The following ZFAT variants were observed in gnomAD, a reference collection of about 807,000 sequenced individuals.
The protein encoded by ZFAT is zinc finger protein ZFAT.
In ZFAT, 64 loss-of-function variants were observed where a neutral mutation model predicts 117.7. That is an observed-to-expected ratio of 0.54 (90% confidence interval 0.44 to 0.67). ZFAT has a LOEUF of 0.67. Ranked by LOEUF, ZFAT falls within the 30% of genes least tolerant of loss-of-function variation. The pLI, the probability that ZFAT is intolerant of heterozygous loss-of-function variation, is 0.00. For synonymous variants in ZFAT, 679 were observed against 615.0 expected (o/e 1.10, Z -1.54); for missense variants, 1,433 against 1,584.5 (o/e 0.90, Z 1.62).
chr8:134,744,761 GCT>G, the ZFAT span, among the ~76,000 whole-genome samples: 1 of 97,518 alleles, frequency 1.0e-5, no homozygotes, highest in African/African-American at 4.2e-5. Flanking sequence ...ACGGAGGCTT[GCT>G]CTGTCACCTA....
intron 2 of ZFAT, among the ~76,000 whole-genome samples, chr8:134,651,618 T>G (rs1327489302): frequency 6.6e-6 from 1 of 152,058 alleles, no homozygotes; most frequent in African/African-American, 2.4e-5. Flanking sequence ...ATACGCAGAA[T>G]GCAGCACAAG....
rs781211977 is a variant in ZFAT at position 134,601,930 on chromosome 8, A to T, written c.1789T>A (p.Phe597Ile). 1 of 1,614,086 alleles carries T rather than the reference A, an allele frequency of 6.2e-7. No individual in the cohort carries two copies. The highest frequency in any genetic ancestry group is 8.5e-7 in the Non-Finnish European group (1 of 1,179,992). ...LHSQEVVSDD[F>I]LLKNDTSSAE... Reference sequence around the variant, plus strand: ...GAGGAGGTATCATTTTTCAACAAAAAATCATCTGAAACCACCTCTTGAGAA... The same window carrying T: ...GAGGAGGTATCATTTTTCAACAAAATATCATCTGAAACCACCTCTTGAGAA... Residue 597 changes from phenylalanine (F) to isoleucine (I), a missense_variant, in exon 6 of 16, where the codon TTT (phenylalanine) becomes ATT (isoleucine). By Grantham distance (21) the Phe-to-Ile change is conservative. Coordinates refer to ENST00000377838, the MANE Select transcript of ZFAT (RefSeq NM_020863.4).
At chr8:134,503,947 A>AAC (rs148680395) in intron 15 of ZFAT, among the ~76,000 whole-genome samples, 2 of 96,616 alleles carry the variant, frequency 2.1e-5, no homozygotes, top group Non-Finnish European at 5.3e-5. Context: ...CACGCACACG[A>AAC]ACACACACAC....
intron 10 of ZFAT, among the ~76,000 whole-genome samples, chr8:134,575,241 G>A (rs1563867328): frequency 6.6e-6 from 1 of 152,194 alleles, no homozygotes; most frequent in East Asian, 1.9e-4. Context: ...AAATAAAAAG[G>A]AGTTTGCAGA....
At chr8:134,600,078 C>T (rs1586787628) in intron 7 of ZFAT, 2 of 353,494 alleles carry the variant, frequency 5.7e-6, no homozygotes, top group East Asian at 7.5e-5. Context: ...CTCTCAACCA[C>T]GTTCAGTAGG....
At chr8:134,559,951 A>G (rs1823930528) in intron 11 of ZFAT, among the ~76,000 whole-genome samples, 1 of 152,254 alleles carries the variant, frequency 6.6e-6, no homozygotes, top group African/African-American at 2.4e-5. Flanking sequence ...GAAAATAAAA[A>G]TAATTCCAGC....
intron 3 of ZFAT, among the ~76,000 whole-genome samples, chr8:134,625,349 T>A (rs1240576259): frequency 6.6e-6 from 1 of 152,232 alleles, no homozygotes; most frequent in Admixed American, 6.5e-5. Context: ...CATTCCCCTA[T>A]CTGCAGGCTT....
chr8:134,824,796 T>C, the ZFAT span, among the ~76,000 whole-genome samples: 1 of 152,230 alleles, frequency 6.6e-6, no homozygotes, highest in Non-Finnish European at 1.5e-5. Flanking sequence ...TACCAGCTTT[T>C]TCACTCAAGT....
At chr8:134,689,265 G>A (rs142762631) in intron 1 of ZFAT, among the ~76,000 whole-genome samples, 118 of 152,342 alleles carry the variant, frequency 7.7e-4, no homozygotes, top group Non-Finnish European at 1.1e-3. Flanking sequence ...TAATTAGCAC[G>A]TCATTGAAAG....
At chr8:134,760,216 C>T in the ZFAT span, among the ~76,000 whole-genome samples, 28 of 149,802 alleles carry the variant, frequency 1.9e-4, no homozygotes, top group Middle Eastern at 3.5e-3. Flanking sequence ...TGCAGTGAAC[C>T]GAGATCATGC....
chr8:134,705,695 A>AT (rs35425925), intron 1 of ZFAT, among the ~76,000 whole-genome samples: 15,579 of 145,430 alleles, frequency 0.11, 1,021 homozygotes, highest in Non-Finnish European at 0.16. Flanking sequence ...AGCCTGGCTA[A>AT]TTTTTTTTTT....
the ZFAT span, among the ~76,000 whole-genome samples, chr8:134,780,100 T>G: frequency 4.6e-5 from 7 of 152,224 alleles, no homozygotes; most frequent in Admixed American, 4.6e-4. Context: ...GTTTACAAAA[T>G]TATGTATGTT....
intron 1 of ZFAT, among the ~76,000 whole-genome samples, chr8:134,662,979 C>T (rs1004164588): frequency 6.6e-6 from 1 of 152,240 alleles, no homozygotes. Flanking sequence ...TGCTCTGCAG[C>T]GCAGACATGC....
intron 11 of ZFAT, among the ~76,000 whole-genome samples, chr8:134,550,734 G>A (rs1823099409): frequency 6.6e-6 from 1 of 152,142 alleles, no homozygotes; most frequent in African/African-American, 2.4e-5. Flanking sequence ...ATAGAATGAA[G>A]CTGAAGATGG....
At chr8:134,541,201 T>C (rs988540709) in intron 11 of ZFAT, among the ~76,000 whole-genome samples, 16 of 152,288 alleles carry the variant, frequency 1.1e-4, no homozygotes, top group African/African-American at 3.6e-4. Flanking sequence ...TTGAGGGGTA[T>C]TGAGAGTTTG....
intron 11 of ZFAT, among the ~76,000 whole-genome samples, chr8:134,552,426 C>T (rs1215304696): frequency 1.3e-5 from 2 of 152,272 alleles, no homozygotes; most frequent in Admixed American, 6.5e-5. Context: ...ATAATGAAAT[C>T]GGTGATTGAG....
intron 1 of ZFAT, among the ~76,000 whole-genome samples, chr8:134,667,717 C>A (rs1291987631): frequency 6.6e-6 from 1 of 152,082 alleles, no homozygotes; most frequent in African/African-American, 2.4e-5. Flanking sequence ...GGATTTCCAA[C>A]TGAGGTACCG....
the ZFAT span, among the ~76,000 whole-genome samples, chr8:134,755,817 C>CAAAAAA: frequency 1.0e-3 from 92 of 89,602 alleles, no homozygotes; most frequent in Middle Eastern, 6.0e-3. Context: ...GACTCCATCT[C>CAAAAAA]AAAAAAAAAA....
chr8:134,555,294 T>A (rs1228779651), intron 11 of ZFAT, among the ~76,000 whole-genome samples: 1 of 152,208 alleles, frequency 6.6e-6, no homozygotes, highest in African/African-American at 2.4e-5. Flanking sequence ...GTAAGTACCC[T>A]CTGCCTAGCA....
Sources: allele counts gnomAD v4.1 joint callset (sites outside exome capture counted in the v4.1 genomes callset), GRCh38; gene constraint gnomAD v4.1.1; transcripts MANE v1.5; gene names NCBI Gene and HGNC (gene_info 2026-07-23, HGNC 2026-07-21).